Variants in SETD5 observed in about 807,000 individuals in gnomAD.
The protein encoded by SETD5 is SET domain containing 5, also known as histone-lysine N-methyltransferase SETD5.
In SETD5, 44 loss-of-function variants were observed where a neutral mutation model predicts 153.3. The observed-to-expected ratio is 0.29, with a 90% CI of 0.23 to 0.37. The LOEUF is 0.37. Ranked by LOEUF, SETD5 falls within the 10% of genes least tolerant of loss-of-function variation. The pLI, the probability that SETD5 is intolerant of heterozygous loss-of-function variation, is 1.00. For missense variants in SETD5, 1,544 were observed against 1,768.0 expected (o/e 0.87, Z 2.27); for synonymous variants, 716 against 645.2 (o/e 1.11, Z -1.66).
At chr3:9,431,688 A>AT in intron 3 of SETD5, 2 of 985,788 alleles carry the variant, frequency 2.0e-6, no homozygotes, top group Non-Finnish European at 2.4e-6. Context: ...CACAATATAC[A>AT]TTTTATTTTT....
At chr3:9,458,583 C>T (rs1170207142) in intron 17 of SETD5, among the ~76,000 whole-genome samples, 2 of 152,100 alleles carry the variant, frequency 1.3e-5, no homozygotes, top group African/African-American at 2.4e-5. Context: ...GCGTTCCAGC[C>T]TGAATGACAG....
chr3:9,432,334 A>G, intron 3 of SETD5: 1 of 981,030 alleles, frequency 1.0e-6, no homozygotes, highest in Non-Finnish European at 1.2e-6. Context: ...GGTGAGTTGG[A>G]TACATATCTC....
intron 17 of SETD5, among the ~76,000 whole-genome samples, chr3:9,457,482 G>A (rs1018813959): frequency 2.0e-5 from 3 of 151,402 alleles, no homozygotes; most frequent in Non-Finnish European, 4.4e-5. Context: ...GTGAGACTCT[G>A]TCTCAAAAAA....
At chr3:9,425,576 T>C (rs955067262) in intron 2 of SETD5, among the ~76,000 whole-genome samples, 3 of 92,550 alleles carry the variant, frequency 3.2e-5, no homozygotes, top group Non-Finnish European at 7.6e-5. Context: ...GAAACTGTAC[T>C]TTTTTTTTTT....
At chr3:9,404,070 G>T (rs1681543724) in intron 1 of SETD5, among the ~76,000 whole-genome samples, 1 of 152,108 alleles carries the variant, frequency 6.6e-6, no homozygotes. Flanking sequence ...AGAAATAATT[G>T]GTTTGAACAG....
Position 9,447,741 on chromosome 3 carries a change from C to T in SETD5, c.1838C>T (p.Pro613Leu). 6.2e-7 allele frequency: 1 copy of T among 1,613,890 alleles called. No individual in the cohort carries two copies. The highest frequency in any genetic ancestry group is 8.5e-7 in the Non-Finnish European group (1 of 1,179,874). ...CCACCTCCAGCAAAGCCTTCTAGGCCCCGGCCGAAGAGTCGAATTTCTCGG... is the reference window on the plus strand; with the variant it reads ...CCACCTCCAGCAAAGCCTTCTAGGCTCCGGCCGAAGAGTCGAATTTCTCGG... ...PKPPPAKPSRPRPKSRISRYR... is the reference protein window; with the variant it reads ...PKPPPAKPSRLRPKSRISRYR... The change falls in exon 15 of 23, where the codon CCC becomes CTC. Residue 613 changes from proline (P) to leucine (L), a missense_variant. Pro to Leu is a moderately conservative substitution (Grantham distance 98, BLOSUM62 -3). Around this residue, in one of 9 missense-constraint regions of SETD5, gnomAD observed 782 missense variants for 787.2 expected, o/e 0.99. Transcript: ENST00000402198.
At chr3:9,453,075 G>A (rs1484503269) in intron 16 of SETD5, among the ~76,000 whole-genome samples, 3 of 152,056 alleles carry the variant, frequency 2.0e-5, no homozygotes, top group Non-Finnish European at 4.4e-5. Flanking sequence ...CCAAAAACTT[G>A]TGACTGATAG....
rs1254124593 is a variant in SETD5 at position 9,433,968 on chromosome 3, T to A, written c.177+18T>A. On this transcript the variant is annotated intron_variant, in intron 4 of 22. Transcript: ENST00000402198. ...CTTATGCTGTGAGTATGCATTTGTT[T>A]CTCTCCAGAACAGTGATCTTCCTGG... 6.2e-7 allele frequency: 1 copy of A among 1,613,552 alleles called. No individual in the cohort carries two copies. The highest frequency in any genetic ancestry group is 8.5e-7 in the Non-Finnish European group (1 of 1,179,542).
chr3:9,420,963 T>G (rs943181430), intron 1 of SETD5, among the ~76,000 whole-genome samples: 2 of 152,200 alleles, frequency 1.3e-5, no homozygotes, highest in African/African-American at 4.8e-5. Flanking sequence ...CAGCTCCTCT[T>G]TCTTCACATA....
intron 7 of SETD5, among the ~76,000 whole-genome samples, chr3:9,437,814 C>T (rs569640293): frequency 6.6e-6 from 1 of 152,034 alleles, no homozygotes; most frequent in African/African-American, 2.4e-5. Flanking sequence ...ACCAGCCTGG[C>T]CAACATGGTG....
In SETD5 at chr3:9,470,865, C is replaced by T; in HGVS notation, c.3131C>T (p.Pro1044Leu). The change falls in exon 19 of 23, where the codon CCT (proline) becomes CTT (leucine). Residue 1044 changes from proline to leucine, a missense_variant. By Grantham distance (98) the Pro-to-Leu change is moderately conservative. Coordinates refer to ENST00000402198, the MANE Select transcript of SETD5 (RefSeq NM_001080517.3). ...GACCTCTCTCGTGGATCCTTGTCACCTGGTGGTGAAAGGGCCTGTGAAGGA... is the reference window on the plus strand; with the variant it reads ...GACCTCTCTCGTGGATCCTTGTCACTTGGTGGTGAAAGGGCCTGTGAAGGA... ...MKDLSRGSLSPGGERACEGVP... is the reference protein window; with the variant it reads ...MKDLSRGSLSLGGERACEGVP... The T allele has an allele frequency of 6.2e-7, 1 of 1,611,216 alleles. No individual in the cohort carries two copies. The highest frequency in any genetic ancestry group is 8.5e-7 in the Non-Finnish European group (1 of 1,178,584).
In SETD5 at chr3:9,442,253, AT is replaced by A; in HGVS notation, c.1077+9del. 1 of 1,580,480 alleles carries A rather than the reference AT, an allele frequency of 6.3e-7. No individual in the cohort carries two copies. Among genetic ancestry groups the A allele is most frequent in the Non-Finnish European group, 8.7e-7 (1 of 1,152,408 alleles). ...TGTACACCAAATGCAGAGGTAAGAT[AT>A]CTGTAGCAACTTCCCTTTGACTGGA... is the stretch of plus-strand genomic sequence containing the variant. On this transcript the variant is annotated intron_variant, in intron 10 of 22. Coordinates refer to ENST00000402198, the MANE Select transcript of SETD5 (RefSeq NM_001080517.3).
chr3:9,453,846 T>C lies in SETD5; in HGVS notation c.2454T>C (p.Ser818=). ...AAAGCAATGAGAATAGTAGCTCTTC[T>C]AGTATCTGCAAAGACAATGCAGGTA... ...LYQSNENSSS[S]SICKDNADLL... Residue 818 remains serine, a synonymous_variant, in exon 17 of 23, where the codon TCT becomes TCC. Transcript: ENST00000402198. 1 of 1,593,390 alleles carries C rather than the reference T, an allele frequency of 6.3e-7. No homozygotes were observed. The highest frequency in any genetic ancestry group is 8.5e-7 in the Non-Finnish European group (1 of 1,173,712).
chr3:9,462,005 A>G (rs1476825182), intron 17 of SETD5, among the ~76,000 whole-genome samples: 1 of 152,220 alleles, frequency 6.6e-6, no homozygotes, highest in Non-Finnish European at 1.5e-5. Flanking sequence ...CCAATCTAGG[A>G]ATATTAAAAA....
At chr3:9,456,053 C>G (rs189818269) in intron 17 of SETD5, among the ~76,000 whole-genome samples, 12 of 152,064 alleles carry the variant, frequency 7.9e-5, no homozygotes, top group African/African-American at 2.7e-4. Flanking sequence ...TTTGTTGGCT[C>G]TCTTTTGTTT....
chr3:9,400,010 A>G (rs1402099321), intron 1 of SETD5, among the ~76,000 whole-genome samples: 2 of 152,238 alleles, frequency 1.3e-5, no homozygotes, highest in Non-Finnish European at 2.9e-5. Context: ...ACAGCAGTGC[A>G]GCGTCCATTA....
rs1356455608 is a variant in SETD5 at position 9,453,745 on chromosome 3, A to G, written c.2353A>G (p.Ile785Val). 2.5e-6 allele frequency: 4 copies of G among 1,593,318 alleles called. No individual in the cohort carries two copies. Among genetic ancestry groups the G allele is most frequent in the Admixed American group, 1.9e-5 (1 of 53,072 alleles). Residue 785 changes from isoleucine to valine, a missense_variant, in exon 17 of 23, where the codon ATA becomes GTA. Transcript: ENST00000402198. ...GTFSSCKKRW[I>V]KQALEEGMTQ... The stretch of plus-strand genomic sequence containing the variant: ...TGGTTCTTTTCAATTATAGCGCTGG[A>G]TAAAACAAGCCTTAGAAGAAGGGAT...
In SETD5 at chr3:9,475,902, G is replaced by A. The variant is rs374462952; in HGVS notation, c.4140G>A (p.Ser1380=). 108 of 1,614,004 alleles carry A rather than the reference G, an allele frequency of 6.7e-5. No homozygotes were observed. The Middle Eastern group carries it at 2.3e-3, about 35-fold the overall frequency. The change falls in exon 23 of 23, where the codon TCG becomes TCA. Residue 1380 remains serine, a synonymous_variant. Transcript: ENST00000402198. The part of the protein sequence containing the change: ...SSTSFPQNSR[S]SLPSDLRTIS... The stretch of plus-strand genomic sequence containing the variant: ...CCTCCTTTCCTCAGAACTCTAGGTC[G>A]TCATTGCCATCAGACTTACGGACTA...
At chr3:9,443,271 C>A in intron 10 of SETD5, 37 bp from the exon 11 acceptor site, 2 of 1,475,276 alleles carry the variant, frequency 1.4e-6, no homozygotes, top group Non-Finnish European at 1.9e-6. Flanking sequence ...AGTTCATGGT[C>A]TTTATGAAAA....
Sources: gnomAD v4.1 joint callset for allele counts (sites outside exome capture counted in the v4.1 genomes callset) on GRCh38, gnomAD v4.1.1 for gene constraint, gnomAD v4.1.1 regional missense constraint, MANE v1.5 for transcripts, NCBI Gene and HGNC (gene_info 2026-07-23, HGNC 2026-07-21) for gene names.